RAD51C: variants seen among roughly 807,000 people sequenced by gnomAD.
RAD51C encodes the protein RAD51 paralog C.
Under a neutral mutation model 45.0 loss-of-function variants are expected in RAD51C, and 42 were observed. The ratio of observed to expected loss-of-function variants is 0.93; its 90% CI spans 0.73 to 1.21. The LOEUF is 1.21. Among genes scored for constraint, RAD51C ranks in the 50% most tolerant of loss-of-function variants. The pLI is 0.00. For synonymous variants in RAD51C, 172 were observed against 159.8 expected, an observed-to-expected ratio of 1.08 and a Z score of -0.58; for missense variants, 474 against 452.2, an observed-to-expected ratio of 1.05 and a Z score of -0.44.
chr17:58,705,144 A>T (rs2048335804), intron 4 of RAD51C, among the ~76,000 whole-genome samples: 1 of 151,956 alleles, frequency 6.6e-6, no homozygotes, highest in Non-Finnish European at 1.5e-5. Flanking sequence ...TAATAAATAA[A>T]AATTAAATAA....
intron 5 of RAD51C, among the ~76,000 whole-genome samples, chr17:58,714,823 G>T (rs796069880): frequency 6.6e-6 from 1 of 152,146 alleles, no homozygotes; most frequent in African/African-American, 2.4e-5. Context: ...ATGTTTTTTG[G>T]ATTATTGGCA....
chr17:58,731,264 T>TG lies in RAD51C; in HGVS notation c.966-1220_966-1219insG, dbSNP rs1232456549. Among the ~76,000 whole-genome samples, 8 of 151,998 alleles carry TG rather than the reference T, an allele frequency of 5.3e-5. No individual in the cohort carries two copies. The South Asian group carries it at 1.2e-3, about 24-fold the overall frequency. On this transcript the variant is annotated intron_variant, in intron 7 of 8. Coordinates refer to ENST00000337432, the MANE Select transcript of RAD51C (RefSeq NM_058216.3). ...AAAGTAATTCTTAAAAGCAGTTTTT[T>TG]TTTTTTTTTTTGAGATGGAGTTTCA...
At chr17:58,698,529 A>G (rs2048100119) in intron 3 of RAD51C, among the ~76,000 whole-genome samples, 1 of 149,574 alleles carries the variant, frequency 6.7e-6, no homozygotes, top group Admixed American at 6.7e-5. Context: ...GGGTTTCACC[A>G]TATAGGCAAG....
At chr17:58,698,008 G>A (rs563487330) in intron 3 of RAD51C, among the ~76,000 whole-genome samples, 3 of 150,974 alleles carry the variant, frequency 2.0e-5, no homozygotes, top group African/African-American at 7.3e-5. Context: ...CACCGCACCC[G>A]GCCAATTTTT....
chr17:58,698,327 C>T (rs2048092247), intron 3 of RAD51C, among the ~76,000 whole-genome samples: 1 of 151,820 alleles, frequency 6.6e-6, no homozygotes, highest in Non-Finnish European at 1.5e-5. Flanking sequence ...GGACTACAGG[C>T]ACCCACCACC....
In RAD51C at chr17:58,692,675, A is replaced by C. The variant is rs730881937; in HGVS notation, c.32A>C (p.Gln11Pro). ...GGGAAGACGTTCCGCTTTGAAATGC[A>C]GCGGGATTTGGTGAGTTTCCCGCTG... The part of the protein sequence containing the change: MRGKTFRFEM[Q>P]RDLVSFPLSP... The change falls in exon 1 of 9, where the codon CAG becomes CCG. Residue 11 changes from glutamine (Q) to proline (P), a missense_variant. By Grantham distance (76) the Gln-to-Pro change is moderately conservative. Transcript: ENST00000337432. 6.2e-7 allele frequency: 1 copy of C among 1,614,234 alleles called. No individual in the cohort carries two copies. Among genetic ancestry groups the C allele is most frequent in the Non-Finnish European group, 8.5e-7 (1 of 1,180,040 alleles).
At chr17:58,692,591 CCAGCGAGG>C, upstream of RAD51C, 1 of 1,610,328 alleles carries the variant, frequency 6.2e-7, no homozygotes. Context: ...GCCGCACGCC[CCAGCGAGG>C]GCGTGCGGAG....
At position 58,703,259 on chromosome 17, in the gene RAD51C, G is replaced by A. The variant is rs200857129; in HGVS notation, c.635G>A (p.Arg212His). The part of the protein sequence containing the change: ...DNILSHIYYF[R>H]CRDYTELLAQ... ...ATTCTTTCTCATATTTATTATTTTC[G>A]CTGTCGTGACTACACAGAGTTACTG... The change falls in exon 4 of 9, where the codon CGC (arginine) becomes CAC (histidine). Residue 212 changes from arginine to histidine, a missense_variant. By Grantham distance (29) the Arg-to-His change is conservative. Transcript: ENST00000337432. 2.4e-5 allele frequency: 38 copies of A among 1,607,512 alleles called. 1 individual carries two copies. In the East Asian group the frequency reaches 3.1e-4, roughly 13 times the overall value.
chr17:58,698,485 C>T (rs1220928283), intron 3 of RAD51C, among the ~76,000 whole-genome samples: 1 of 150,286 alleles, frequency 6.7e-6, no homozygotes, highest in Non-Finnish European at 1.5e-5. Context: ...CACCCGGCCA[C>T]ACCCAGCTAA....
At chr17:58,722,214 A>G (rs2048941434) in intron 6 of RAD51C, among the ~76,000 whole-genome samples, 1 of 152,144 alleles carries the variant, frequency 6.6e-6, no homozygotes, top group African/African-American at 2.4e-5. Flanking sequence ...GTAAGCAGAG[A>G]AGCAAATAAA....
chr17:58,734,462 T>C lies in RAD51C; in HGVS notation c.*240T>C. The C allele has an allele frequency of 1.6e-6, 1 of 640,854 alleles. No individual in the cohort carries two copies. The highest frequency in any genetic ancestry group is 3.1e-5 in the East Asian group (1 of 32,526). The allele number at this position is 640,854 out of a possible 1,614,324, so 39.7% of individuals were successfully genotyped here. On this transcript the variant is annotated 3_prime_UTR_variant, in exon 9 of 9. Transcript: ENST00000337432. ...TAACATTCAGTAGAGATGATTATTA[T>C]ATTTCACAAATGTGGAAAGCTGATC...
intron 7 of RAD51C, among the ~76,000 whole-genome samples, chr17:58,726,718 G>A (rs964193140): frequency 3.3e-5 from 5 of 151,924 alleles, no homozygotes; most frequent in African/African-American, 1.2e-4. Context: ...TATTTTCCAC[G>A]TAAATCTTTG....
In RAD51C at chr17:58,703,217, A is replaced by C; in HGVS notation, c.593A>C (p.Asp198Ala). 6.2e-7 allele frequency: 1 copy of C among 1,611,694 alleles called. No homozygotes were observed. Among genetic ancestry groups the C allele is most frequent in the Non-Finnish European group, 8.5e-7 (1 of 1,177,966 alleles). The change falls in exon 4 of 9, where the codon GAT becomes GCT. Residue 198 changes from aspartate (D) to alanine (A), a missense_variant. Coordinates refer to ENST00000337432, the MANE Select transcript of RAD51C (RefSeq NM_058216.3). ...TCAGAACACCGAAAAGCTTTGGAGG[A>C]TTTCACTCTTGATAATATTCTTTCT... Reference protein sequence around the residue: ...KGEEHRKALEDFTLDNILSHI... With the variant: ...KGEEHRKALEAFTLDNILSHI...
At chr17:58,731,066 A>C (rs2049399902) in intron 7 of RAD51C, among the ~76,000 whole-genome samples, 1 of 152,166 alleles carries the variant, frequency 6.6e-6, no homozygotes, top group Non-Finnish European at 1.5e-5. Flanking sequence ...TATTTCACTT[A>C]GTATAATGTC....
chr17:58,732,742 T>C (rs2049483983), intron 8 of RAD51C, 198 bp downstream of exon 8: 1 of 582,380 alleles, frequency 1.7e-6, no homozygotes, highest in Non-Finnish European at 3.1e-6. Flanking sequence ...AATTTATTCT[T>C]AAGAGCAGAG....
chr17:58,694,974 T>TA lies in RAD51C; in HGVS notation c.190dup (p.Ile64AsnfsTer9). On this transcript the variant is annotated frameshift_variant, in exon 2 of 9. Coordinates refer to ENST00000337432, the MANE Select transcript of RAD51C (RefSeq NM_058216.3). LOFTEE classifies it high-confidence loss of function. The stretch of plus-strand genomic sequence containing the variant: ...CAGAAGCCTTAGAAACTCTGCAAAT[T>TA]ATCAGAAGAGAATGTCTCACAAATA... The TA allele has an allele frequency of 6.2e-7, 1 of 1,614,164 alleles. No homozygotes were observed. Among genetic ancestry groups the TA allele is most frequent in the Non-Finnish European group, 8.5e-7 (1 of 1,180,006 alleles).
intron 5 of RAD51C, among the ~76,000 whole-genome samples, chr17:58,713,452 C>T (rs969396572): frequency 9.9e-5 from 15 of 151,796 alleles, no homozygotes; most frequent in African/African-American, 3.6e-4. Context: ...GCAATCCTTT[C>T]ACCTCAGCCT....
Position 58,692,789 on chromosome 17 carries a change from G to A in RAD51C, c.145+1G>A, listed in dbSNP as rs757128712. 6.2e-7 allele frequency: 1 copy of A among 1,614,194 alleles called. No homozygotes were observed. The highest frequency in any genetic ancestry group is 2.2e-5 in the East Asian group (1 of 44,884). On this transcript the variant is annotated splice_donor_variant, in intron 1 of 8. Transcript: ENST00000337432. LOFTEE classifies it high-confidence loss of function. ...GTGAAACCCTCCGAGCTTAGCAAAG[G>A]TAACGACTCCTGATGGCAAGCTGAG...
chr17:58,704,322 G>T lies in RAD51C; in HGVS notation c.705+993G>T, dbSNP rs145875578. ...GAGTCTGGCTCTGTCGCCCAGGCTG[G>T]AGTGCATTGGCGTGATCTTGGTTCA... On this transcript the variant is annotated intron_variant, in intron 4 of 8. Coordinates refer to ENST00000337432, the MANE Select transcript of RAD51C (RefSeq NM_058216.3). Among the ~76,000 whole-genome samples, 138 of 151,880 alleles carry T rather than the reference G, an allele frequency of 9.1e-4. 1 individual carries two copies. The highest frequency in any genetic ancestry group is 3.3e-3 in the African/African-American group (135 of 41,426).
Sources: allele counts gnomAD v4.1 joint callset (sites outside exome capture counted in the v4.1 genomes callset), GRCh38; gene constraint gnomAD v4.1.1; transcripts MANE v1.5; gene names NCBI Gene and HGNC (gene_info 2026-07-23, HGNC 2026-07-21).